Variants in ZNF385D observed in about 807,000 individuals in gnomAD.
The protein encoded by ZNF385D is zinc finger protein 385D.
Under a neutral mutation model 35.8 loss-of-function variants are expected in ZNF385D, and 15 were observed. The observed-to-expected ratio is 0.42, with a 90% CI of 0.28 to 0.64. ZNF385D has a LOEUF of 0.64. ZNF385D is among the 30% of genes least tolerant of loss of function. ZNF385D has a pLI of 0.23. For missense variants in ZNF385D, 474 were observed against 494.6 expected, an observed-to-expected ratio of 0.96 and a Z score of 0.39; for synonymous variants, 212 against 186.8, an observed-to-expected ratio of 1.13 and a Z score of -1.10.
intron 3 of ZNF385D, among the ~76,000 whole-genome samples, chr3:22,079,604 G>T (rs929003934): frequency 6.6e-6 from 1 of 151,946 alleles, no homozygotes; most frequent in Non-Finnish European, 1.5e-5. Context: ...ATTGGGAAAT[G>T]ACAGCATCCT....
At chr3:22,099,129 G>T (rs1480693679) in intron 3 of ZNF385D, among the ~76,000 whole-genome samples, 1 of 151,994 alleles carries the variant, frequency 6.6e-6, no homozygotes, top group Non-Finnish European at 1.5e-5. Context: ...ACACTAAGCA[G>T]CCAATGAAAA....
chr3:22,311,207 ATAAAT>A (rs1400998552), intron 2 of ZNF385D, among the ~76,000 whole-genome samples: 23 of 152,188 alleles, frequency 1.5e-4, no homozygotes, highest in Admixed American at 5.2e-4. Flanking sequence ...ATATCCAGAT[ATAAAT>A]TATTACATGA....
chr3:21,733,593 T>A (rs752622571), intron 1 of ZNF385D, among the ~76,000 whole-genome samples: 1 of 152,180 alleles, frequency 6.6e-6, no homozygotes, highest in African/African-American at 2.4e-5. Context: ...AGTTATTAAT[T>A]TTATGTAGTT....
At chr3:21,565,182 A>G (rs974831545) in intron 2 of ZNF385D, among the ~76,000 whole-genome samples, 3 of 152,074 alleles carry the variant, frequency 2.0e-5, no homozygotes, top group African/African-American at 7.2e-5. Flanking sequence ...CTGCTTTCCA[A>G]TAATTGAAAC....
chr3:21,710,520 C>T (rs2068062385), intron 1 of ZNF385D, among the ~76,000 whole-genome samples: 1 of 152,122 alleles, frequency 6.6e-6, no homozygotes, highest in Non-Finnish European at 1.5e-5. Flanking sequence ...TCATTCGATG[C>T]CACAATGCAT....
chr3:22,132,912 C>T (rs933087657), intron 3 of ZNF385D, among the ~76,000 whole-genome samples: 24 of 151,974 alleles, frequency 1.6e-4, no homozygotes, highest in African/African-American at 4.6e-4. Context: ...ACTGAGTATT[C>T]GGTTAACTTA....
chr3:21,625,177 T>C (rs902126098), intron 2 of ZNF385D, among the ~76,000 whole-genome samples: 2 of 152,096 alleles, frequency 1.3e-5, no homozygotes, highest in Non-Finnish European at 2.9e-5. Context: ...CCTAATTAAC[T>C]TTATAAATAA....
chr3:22,280,636 T>G (rs1701689776), intron 2 of ZNF385D, among the ~76,000 whole-genome samples: 1 of 152,110 alleles, frequency 6.6e-6, no homozygotes, highest in Admixed American at 6.6e-5. Context: ...TGTGCCTATT[T>G]TTATACCAGT....
At chr3:21,507,961 G>A (rs1420383342) in intron 4 of ZNF385D, among the ~76,000 whole-genome samples, 1 of 152,142 alleles carries the variant, frequency 6.6e-6, no homozygotes, top group African/African-American at 2.4e-5. Flanking sequence ...TATCTGATGA[G>A]TGTGCTGGAA....
rs755119356 is a variant in ZNF385D, at chr3:21,511,037, C to G, written c.277-14G>C. 6.2e-7 allele frequency: 1 copy of G among 1,613,526 alleles called. No individual in the cohort carries two copies. Among genetic ancestry groups the G allele is most frequent in the Non-Finnish European group, 8.5e-7 (1 of 1,179,850 alleles). ...CGCAGCCTGGCTCTACAAAGGAGAA[C>G]AAAATGAACCATGCAATCAGGCTCA... On this transcript the variant is annotated splice_polypyrimidine_tract_variant and intron_variant, in intron 3 of 7. Transcript: ENST00000281523.
chr3:22,111,160 T>TG (rs1345644152), intron 3 of ZNF385D, among the ~76,000 whole-genome samples: 2 of 79,070 alleles, frequency 2.5e-5, no homozygotes, highest in Non-Finnish European at 5.7e-5. Context: ...GGATTTTTTT[T>TG]TTTTTTTTTT....
intron 2 of ZNF385D, among the ~76,000 whole-genome samples, chr3:22,339,820 G>A (rs1047424390): frequency 6.6e-6 from 1 of 152,100 alleles, no homozygotes; most frequent in Non-Finnish European, 1.5e-5. Context: ...GGTAGTTTCT[G>A]CAGCCAGCTT....
intron 2 of ZNF385D, among the ~76,000 whole-genome samples, chr3:21,631,300 C>T (rs2065274347): frequency 6.6e-6 from 1 of 151,968 alleles, no homozygotes; most frequent in African/African-American, 2.4e-5. Flanking sequence ...CAAGGCATGT[C>T]AACCCTAAAC....
chr3:21,892,111 G>A (rs1396517589), intron 3 of ZNF385D, among the ~76,000 whole-genome samples: 2 of 152,114 alleles, frequency 1.3e-5, no homozygotes, highest in African/African-American at 2.4e-5. Context: ...TACTTGCTTC[G>A]TGGGATAGGA....
rs114492425 is a variant in ZNF385D at position 22,244,206 on chromosome 3, G to C, written c.107-75171C>G. On this transcript the variant is annotated intron_variant, in intron 2 of 5. Transcript: ENST00000494108. ...GCCATTATTAAACTTTTTCTCTAGG[G>C]TTTGCAATACCTGCAGTTTGCCACA... Among the ~76,000 whole-genome samples the C allele has an allele frequency of 6.0e-3, 894 of 149,780 alleles. 46 individuals carry two copies. Among genetic ancestry groups the C allele is most frequent in the African/African-American group, 0.021 (844 of 40,444 alleles).
intron 2 of ZNF385D, among the ~76,000 whole-genome samples, chr3:21,600,054 T>C (rs1436931671): frequency 6.6e-6 from 1 of 152,184 alleles, no homozygotes. Context: ...TCCTCACTGC[T>C]ACACTCCCAC....
intron 2 of ZNF385D, among the ~76,000 whole-genome samples, chr3:22,236,852 T>A (rs1699213500): frequency 6.6e-6 from 1 of 152,212 alleles, no homozygotes; most frequent in Admixed American, 6.5e-5. Flanking sequence ...GAATGTAGCA[T>A]GGATCAGTAT....
chr3:21,640,676 C>G (rs1487168537), intron 2 of ZNF385D, among the ~76,000 whole-genome samples: 1 of 152,126 alleles, frequency 6.6e-6, no homozygotes, highest in Non-Finnish European at 1.5e-5. Flanking sequence ...TAACCTTAGG[C>G]TTTTAAGCCT....
chr3:21,880,782 G>A (rs1445005353), intron 3 of ZNF385D, among the ~76,000 whole-genome samples: 4 of 151,858 alleles, frequency 2.6e-5, no homozygotes, highest in African/African-American at 7.3e-5. Flanking sequence ...TGTTGTGAAC[G>A]CAAAGGAAAA....
Sources: gnomAD v4.1 joint callset for allele counts (sites outside exome capture counted in the v4.1 genomes callset) on GRCh38, gnomAD v4.1.1 for gene constraint, MANE v1.5 for transcripts, NCBI Gene and HGNC (gene_info 2026-07-23, HGNC 2026-07-21) for gene names.